Variants in GKAP1 observed in about 807,000 individuals in gnomAD.
GKAP1 encodes the protein G kinase anchoring protein 1.
GKAP1 carries 31 observed loss-of-function variants against 56.7 expected under a neutral mutation model. The observed-to-expected ratio is 0.55, with a 90% CI of 0.41 to 0.74. GKAP1 has a LOEUF of 0.74. Among genes scored for constraint, GKAP1 ranks in the 30% least tolerant of loss-of-function variants. The probability of loss-of-function intolerance (pLI) is 0.00; values close to 1 mark genes in which losing one functional copy is unlikely to be tolerated. For missense variants in GKAP1, 364 were observed against 402.3 expected, an observed-to-expected ratio of 0.90 and a Z score of 0.82; for synonymous variants, 151 against 138.6, an observed-to-expected ratio of 1.09 and a Z score of -0.63.
At chr9:83,743,464 A>C (rs1943241097) in intron 10 of GKAP1, among the ~76,000 whole-genome samples, 1 of 151,858 alleles carries the variant, frequency 6.6e-6, no homozygotes, top group African/African-American at 2.4e-5. Flanking sequence ...GTATGGTGGC[A>C]CATTCTTGTA....
At chr9:83,803,136 G>C (rs1944359892) in intron 3 of GKAP1, among the ~76,000 whole-genome samples, 2 of 152,100 alleles carry the variant, frequency 1.3e-5, no homozygotes, top group African/African-American at 4.8e-5. Flanking sequence ...CTAGTCATAT[G>C]ATTTTTGCCT....
intron 3 of GKAP1, among the ~76,000 whole-genome samples, chr9:83,799,627 G>C (rs1406435280): frequency 6.6e-6 from 1 of 152,056 alleles, no homozygotes; most frequent in African/African-American, 2.4e-5. Flanking sequence ...AAGTTTATAG[G>C]AGTAGAAAAC....
intron 5 of GKAP1, among the ~76,000 whole-genome samples, chr9:83,788,345 T>C (rs952855889): frequency 4.6e-5 from 7 of 152,194 alleles, no homozygotes; most frequent in Non-Finnish European, 1.0e-4. Flanking sequence ...TTATTCTCTC[T>C]CTTCCCTTCA....
chr9:83,761,411 T>G (rs1387509410), intron 8 of GKAP1, among the ~76,000 whole-genome samples: 1 of 151,844 alleles, frequency 6.6e-6, no homozygotes, highest in Non-Finnish European at 1.5e-5. Flanking sequence ...ATAATAAGAT[T>G]GAAGCCATAA....
intron 8 of GKAP1, among the ~76,000 whole-genome samples, chr9:83,758,372 T>C (rs1943511399): frequency 6.6e-6 from 1 of 152,292 alleles, no homozygotes; most frequent in Middle Eastern, 3.4e-3. Context: ...AAAACTAGAT[T>C]CATTATTGTT....
At chr9:83,790,589 C>A (rs1485298655) in intron 4 of GKAP1, among the ~76,000 whole-genome samples, 1 of 151,934 alleles carries the variant, frequency 6.6e-6, no homozygotes, top group Admixed American at 6.6e-5. Flanking sequence ...TTGAGACCAG[C>A]CTGGCCAACA....
chr9:83,747,045 C>T (rs1021766578), intron 10 of GKAP1, among the ~76,000 whole-genome samples: 1 of 152,204 alleles, frequency 6.6e-6, no homozygotes, highest in African/African-American at 2.4e-5. Flanking sequence ...CATTTATTAA[C>T]AGGAAAACTG....
chr9:83,776,173 T>A (rs1943858280), intron 7 of GKAP1, among the ~76,000 whole-genome samples: 1 of 152,148 alleles, frequency 6.6e-6, no homozygotes, highest in Non-Finnish European at 1.5e-5. Flanking sequence ...CTCTGTTTTG[T>A]TTATGCTGGA....
At chr9:83,772,035 TAAC>T (rs1943772001) in intron 7 of GKAP1, among the ~76,000 whole-genome samples, 1 of 151,928 alleles carries the variant, frequency 6.6e-6, no homozygotes, top group Non-Finnish European at 1.5e-5. Context: ...AAGATACTGA[TAAC>T]AAACTATAGG....
At chr9:83,793,971 A>C (rs1162007539) in intron 4 of GKAP1, among the ~76,000 whole-genome samples, 1 of 152,162 alleles carries the variant, frequency 6.6e-6, no homozygotes, top group East Asian at 1.9e-4. Flanking sequence ...GTTCAAGACC[A>C]GCCTGGGCAA....
intron 2 of GKAP1, among the ~76,000 whole-genome samples, chr9:83,813,046 C>G (rs1944534232): frequency 6.6e-6 from 1 of 152,042 alleles, no homozygotes; most frequent in African/African-American, 2.4e-5. Flanking sequence ...TTAAAAGATA[C>G]TATATTTCAG....
intron 6 of GKAP1, among the ~76,000 whole-genome samples, chr9:83,784,476 C>T (rs1462642279): frequency 2.0e-5 from 3 of 152,134 alleles, no homozygotes; most frequent in African/African-American, 7.2e-5. Context: ...TGATATTGGA[C>T]TTCCCAGCTT....
intron 7 of GKAP1, among the ~76,000 whole-genome samples, chr9:83,769,173 C>A (rs950808142): frequency 6.6e-6 from 1 of 152,192 alleles, no homozygotes; most frequent in African/African-American, 2.4e-5. Flanking sequence ...AGTAGAGACA[C>A]ATTTGGAAAT....
At position 83,799,277 on chromosome 9, in the gene GKAP1, A is replaced by C; in HGVS notation, c.268T>G (p.Cys90Gly). ...KIPQKSSHAVCNAQHDLPLSN... is the reference protein window; with the variant it reads ...KIPQKSSHAVGNAQHDLPLSN... The stretch of plus-strand genomic sequence containing the variant: ...AATGGAAGATCATGTTGAGCGTTAC[A>C]AACAGCATGGGAGGATTTCTGGGGA... Residue 90 changes from cysteine to glycine, a missense_variant, in exon 4 of 13, where the codon TGT (cysteine) becomes GGT (glycine). Cys to Gly is a radical substitution (Grantham distance 159, BLOSUM62 -3). Transcript: ENST00000376371. 6.2e-7 allele frequency: 1 copy of C among 1,605,734 alleles called. No homozygotes were observed. Among genetic ancestry groups the C allele is most frequent in the Middle Eastern group, 1.7e-4 (1 of 6,052 alleles).
Position 83,739,586 on chromosome 9 carries a change from GTTCC to G in GKAP1, c.*107_*110del, listed in dbSNP as rs993393796. The G allele has an allele frequency of 5.6e-6, 4 of 710,772 alleles. No homozygotes were observed. The highest frequency in any genetic ancestry group is 2.4e-5 in the South Asian group (1 of 41,416). 44.0% of individuals were successfully genotyped at this position (710,772 alleles called of 1,614,324 possible). A position where few individuals can be genotyped will look rare whatever the true frequency, so the allele number is the denominator to read the frequency against. ...ACCATTAGGGAGCTAGTTGCTTTTA[GTTCC>G]TTCAAGAAAAACTGCATAGTTTAGC... On this transcript the variant is annotated 3_prime_UTR_variant, in exon 13 of 13. Coordinates refer to ENST00000376371, the MANE Select transcript of GKAP1 (RefSeq NM_025211.4).
intron 5 of GKAP1, 23 bp from the exon 6 acceptor site, chr9:83,784,861 A>G (rs1462516459): frequency 2.0e-6 from 3 of 1,500,560 alleles, no homozygotes; most frequent in Non-Finnish European, 2.7e-6. Context: ...ACCAACAACA[A>G]TTAAGTTCAG....
chr9:83,757,375 T>C (rs188239630), intron 8 of GKAP1, among the ~76,000 whole-genome samples: 162 of 152,338 alleles, frequency 1.1e-3, no homozygotes, highest in Middle Eastern at 6.8e-3. Context: ...CAGTGACGTA[T>C]GATAGGTTTT....
rs186420613 is a variant in GKAP1 at position 83,782,223 on chromosome 9, T to C, written c.563-1819A>G. ...GCACTGGCATGATCATAGCTCACTA[T>C]AGCTAGCCTCTGGCTCCTAGCCTCA... is the stretch of plus-strand genomic sequence containing the variant. On this transcript the variant is annotated intron_variant, in intron 6 of 12. Coordinates refer to ENST00000376371, the MANE Select transcript of GKAP1 (RefSeq NM_025211.4). Among the ~76,000 whole-genome samples, 244 of 152,144 alleles carry C rather than the reference T, an allele frequency of 1.6e-3. 1 individual carries two copies. The highest frequency in any genetic ancestry group is 2.9e-3 in the Non-Finnish European group (197 of 67,982).
At chr9:83,815,828 T>C (rs1478196929) in intron 2 of GKAP1, among the ~76,000 whole-genome samples, 1 of 151,998 alleles carries the variant, frequency 6.6e-6, no homozygotes, top group Non-Finnish European at 1.5e-5. Flanking sequence ...AAATAAAAAA[T>C]TGTGTTATTT....
Sources: allele counts gnomAD v4.1 joint callset (sites outside exome capture counted in the v4.1 genomes callset), GRCh38; gene constraint gnomAD v4.1.1; transcripts MANE v1.5; gene names NCBI Gene and HGNC (gene_info 2026-07-23, HGNC 2026-07-21).